The following PDE6C variants were observed in gnomAD, a reference collection of about 807,000 sequenced individuals.
The protein encoded by PDE6C is phosphodiesterase 6C.
In PDE6C, 75 loss-of-function variants were observed where a neutral mutation model predicts 113.1. The observed-to-expected ratio is 0.66, with a 90% CI of 0.55 to 0.80. PDE6C has a LOEUF of 0.80. PDE6C is among the 30% of genes least tolerant of loss of function. The probability of loss-of-function intolerance (pLI) is 0.00; values close to 1 mark genes in which losing one functional copy is unlikely to be tolerated. For synonymous variants in PDE6C, 375 were observed against 363.7 expected (o/e 1.03, Z -0.35); for missense variants, 912 against 1,038.6 (o/e 0.88, Z 1.67).
intron 15 of PDE6C, among the ~76,000 whole-genome samples, chr10:93,648,352 G>A (rs753709456): frequency 9.2e-5 from 14 of 152,034 alleles, no homozygotes; most frequent in East Asian, 1.9e-4. Context: ...CAATAGAGTC[G>A]CTAGGCAATG....
chr10:93,653,385 G>A (rs947185053), intron 15 of PDE6C, among the ~76,000 whole-genome samples: 2 of 152,172 alleles, frequency 1.3e-5, no homozygotes, highest in Non-Finnish European at 2.9e-5. Flanking sequence ...GCTCATGCCT[G>A]TAATCCCAGC....
In PDE6C at chr10:93,640,457, C is replaced by T. The variant is rs143394832; in HGVS notation, c.1637C>T (p.Thr546Ile). Reference sequence around the variant, plus strand: ...GGTGTCATCTTCTTTTAGGTTCTTACCAGATGGATGTACACTGTGAGGAAA... The same window carrying T: ...GGTGTCATCTTCTTTTAGGTTCTTATCAGATGGATGTACACTGTGAGGAAA... ...EKFKVPVEVL[T>I]RWMYTVRKGY... The change falls in exon 13 of 22, where the codon ACC becomes ATC. Residue 546 changes from threonine (T) to isoleucine (I), a missense_variant. Thr to Ile is a moderately conservative substitution (Grantham distance 89). Coordinates refer to ENST00000371447, the MANE Select transcript of PDE6C (RefSeq NM_006204.4). The T allele has an allele frequency of 6.2e-7, 1 of 1,610,396 alleles. No homozygotes were observed. The highest frequency in any genetic ancestry group is 8.5e-7 in the Non-Finnish European group (1 of 1,176,886).
intron 15 of PDE6C, among the ~76,000 whole-genome samples, chr10:93,649,859 C>A (rs2058601762): frequency 6.6e-6 from 1 of 152,186 alleles, no homozygotes; most frequent in Non-Finnish European, 1.5e-5. Flanking sequence ...CCCACCTTGG[C>A]CTCCCAAAGT....
At chr10:93,636,764 T>C (rs974528847) in intron 10 of PDE6C, among the ~76,000 whole-genome samples, 7 of 152,048 alleles carry the variant, frequency 4.6e-5, no homozygotes, top group Non-Finnish European at 1.5e-5. Flanking sequence ...TGTAGTATAT[T>C]TTATTTATTT....
chr10:93,640,394 AC>A, intron 12 of PDE6C, 55 bp from the exon 13 acceptor site: 1 of 1,388,636 alleles, frequency 7.2e-7, no homozygotes, highest in Non-Finnish European at 1.0e-6. Context: ...ATTGCCACAG[AC>A]CTTCTAACCT....
In PDE6C at chr10:93,662,615, T is replaced by C. The variant is rs370735323; in HGVS notation, c.2339T>C (p.Ile780Thr). The change falls in exon 20 of 22, where the codon ATT (isoleucine) becomes ACT (threonine). Residue 780 changes from isoleucine (I) to threonine (T), a missense_variant. Transcript: ENST00000371447. ...DELPKLQVGF[I>T]DFVCTFVYKE... ...TTACCTAAACTTCAAGTTGGATTTA[T>C]TGATTTTGTTTGTACTTTTGTATAT... 3 of 1,458,544 alleles carry C rather than the reference T, an allele frequency of 2.1e-6. No homozygotes were observed. The highest frequency in any genetic ancestry group is 2.3e-5 in the East Asian group (1 of 44,126). 90.4% of individuals were successfully genotyped at this position (1,458,544 alleles called of 1,614,324 possible). A position where few individuals can be genotyped will look rare whatever the true frequency, so the allele number is the denominator to read the frequency against.
At chr10:93,626,578 C>CA in intron 5 of PDE6C, 62 bp from the exon 6 acceptor site, 1 of 926,270 alleles carries the variant, frequency 1.1e-6, no homozygotes, top group Non-Finnish European at 1.7e-6. Context: ...ACAAGTTCCC[C>CA]AATGAAAAAT....
intron 18 of PDE6C, among the ~76,000 whole-genome samples, chr10:93,660,694 T>A (rs1202765773): frequency 6.6e-6 from 1 of 152,202 alleles, no homozygotes; most frequent in Non-Finnish European, 1.5e-5. Context: ...TCCTTCCACC[T>A]CGACATGCCT....
At chr10:93,622,672 T>C (rs1048351264) in intron 4 of PDE6C, among the ~76,000 whole-genome samples, 5 of 146,574 alleles carry the variant, frequency 3.4e-5, no homozygotes, top group Non-Finnish European at 4.5e-5. Flanking sequence ...GTTGTTTTTT[T>C]TTTTTTGCTG....
chr10:93,655,391 CT>C (rs981091189), intron 15 of PDE6C, among the ~76,000 whole-genome samples: 16 of 151,490 alleles, frequency 1.1e-4, no homozygotes, highest in Non-Finnish European at 2.2e-4. Context: ...CCCAGAAATT[CT>C]TTATTAAAGC....
chr10:93,636,742 C>T (rs2058534030), intron 10 of PDE6C, among the ~76,000 whole-genome samples: 1 of 151,958 alleles, frequency 6.6e-6, no homozygotes, highest in Non-Finnish European at 1.5e-5. Flanking sequence ...GCATCTTTGC[C>T]ATGGAACTCA....
At chr10:93,655,136 G>T (rs1288975802) in intron 15 of PDE6C, among the ~76,000 whole-genome samples, 2 of 152,110 alleles carry the variant, frequency 1.3e-5, no homozygotes, top group African/African-American at 4.8e-5. Flanking sequence ...AGAATGCTAA[G>T]AAATGAAGCT....
chr10:93,620,985 A>C lies in PDE6C; in HGVS notation c.723+5A>C, dbSNP rs754160117. ...ATTGAATCCCGAAGAAGCCAGGTAA[A>C]AGGAAGGCAGCATTAGTCATTCCAT... On this transcript the variant is annotated splice_donor_5th_base_variant and intron_variant, in intron 3 of 21. Transcript: ENST00000371447. The C allele has an allele frequency of 6.2e-6, 10 of 1,610,280 alleles. No homozygotes were observed. In the African/African-American group the frequency reaches 1.3e-4, roughly 21 times the overall value.
Position 93,620,677 on chromosome 10 carries a change from A to G in PDE6C, c.526A>G (p.Thr176Ala). The G allele has an allele frequency of 6.2e-7, 1 of 1,614,188 alleles. No homozygotes were observed. The highest frequency in any genetic ancestry group is 8.5e-7 in the Non-Finnish European group (1 of 1,180,022). ...DFMDKQTGYV[T>A]KNLLATPIVV... ...CATGGACAAGCAAACTGGGTATGTC[A>G]CTAAGAACCTGCTGGCAACCCCGAT... The change falls in exon 2 of 22, where the codon ACT becomes GCT. Residue 176 changes from threonine to alanine, a missense_variant. Physicochemically the swap from Thr to Ala is moderately conservative, Grantham distance 58. Transcript: ENST00000371447.
chr10:93,637,895 G>A (rs1226338943), intron 11 of PDE6C, among the ~76,000 whole-genome samples: 1 of 152,206 alleles, frequency 6.6e-6, no homozygotes, highest in Non-Finnish European at 1.5e-5. Flanking sequence ...ATAAAAACGT[G>A]TAGGGGCTCT....
At chr10:93,654,786 CTTTCT>C (rs2058626629) in intron 15 of PDE6C, among the ~76,000 whole-genome samples, 1 of 71,350 alleles carries the variant, frequency 1.4e-5, no homozygotes, top group African/African-American at 4.2e-5. Flanking sequence ...TTCTTTCTTT[CTTTCT>C]TTCTTTCTTT....
intron 10 of PDE6C, among the ~76,000 whole-genome samples, chr10:93,636,634 AT>A (rs556047668): frequency 6.6e-6 from 1 of 152,080 alleles, no homozygotes; most frequent in Non-Finnish European, 1.5e-5. Context: ...TACTGTAATC[AT>A]TTTGGGGGAA....
At chr10:93,613,345 A>T (rs184646831) in intron 1 of PDE6C, 140 bp downstream of exon 1, 13 of 1,215,660 alleles carry the variant, frequency 1.1e-5, no homozygotes, top group Non-Finnish European at 1.5e-5. Flanking sequence ...AGGATCACCC[A>T]GGCCTAGTGT....
intron 15 of PDE6C, among the ~76,000 whole-genome samples, chr10:93,650,781 A>G (rs563214307): frequency 4.3e-4 from 65 of 152,326 alleles, no homozygotes; most frequent in African/African-American, 1.4e-3. Flanking sequence ...TAGATGTTTG[A>G]CATTTTTAAG....
Sources: allele counts gnomAD v4.1 joint callset (sites outside exome capture counted in the v4.1 genomes callset), GRCh38; gene constraint gnomAD v4.1.1; transcripts MANE v1.5; gene names NCBI Gene and HGNC (gene_info 2026-07-23, HGNC 2026-07-21).